CD200R1L: variants seen among roughly 807,000 people sequenced by gnomAD.
CD200R1L encodes cell surface glycoprotein CD200 receptor 2.
A neutral mutation model predicts 24.8 loss-of-function variants in CD200R1L; 14 were observed. That is an observed-to-expected ratio of 0.56 (90% CI 0.37 to 0.88). CD200R1L has a LOEUF of 0.88. Among genes scored for constraint, CD200R1L ranks in the 40% least tolerant of loss-of-function variants. The pLI is 0.00. For synonymous variants in CD200R1L, 111 were observed against 109.2 expected (o/e 1.02, Z -0.11); for missense variants, 299 against 297.8 (o/e 1.00, Z -0.03).
At chr3:112,830,273 G>A (rs930135927) in intron 3 of CD200R1L, among the ~76,000 whole-genome samples, 4 of 152,092 alleles carry the variant, frequency 2.6e-5, no homozygotes, top group African/African-American at 9.7e-5. Context: ...ATGGCCTAGG[G>A]GAATGAATGT....
At chr3:112,826,093 T>C (rs1442520581) in intron 6 of CD200R1L, among the ~76,000 whole-genome samples, 1 of 151,944 alleles carries the variant, frequency 6.6e-6, no homozygotes, top group African/African-American at 2.4e-5. Flanking sequence ...ATAAAGCTGA[T>C]GCAAAAAAGA....
chr3:112,825,769 A>G (rs1321801581), intron 6 of CD200R1L, among the ~76,000 whole-genome samples: 2 of 152,190 alleles, frequency 1.3e-5, no homozygotes, highest in African/African-American at 2.4e-5. Context: ...ACTAAACAAA[A>G]GAGAGAGGAG....
At chr3:112,840,439 TC>T (rs1939051269) in intron 2 of CD200R1L, among the ~76,000 whole-genome samples, 1 of 152,094 alleles carries the variant, frequency 6.6e-6, no homozygotes, top group South Asian at 2.1e-4. Flanking sequence ...AACAACCAGA[TC>T]TCATAACTTA....
intron 3 of CD200R1L, among the ~76,000 whole-genome samples, chr3:112,834,154 T>A (rs1938876140): frequency 6.6e-6 from 1 of 151,648 alleles, no homozygotes; most frequent in Non-Finnish European, 1.5e-5. Context: ...GGGTGCTGTG[T>A]CCCTAGCTCC....
chr3:112,835,806 G>T (rs958624192), intron 3 of CD200R1L, among the ~76,000 whole-genome samples: 1 of 152,250 alleles, frequency 6.6e-6, no homozygotes, highest in Admixed American at 6.5e-5. Flanking sequence ...GCTTCTGCCT[G>T]TTCCCAGCTC....
At chr3:112,829,530 A>T (rs1938745834) in intron 3 of CD200R1L, 146 bp from the exon 4 acceptor site, 1 of 1,300,882 alleles carries the variant, frequency 7.7e-7, no homozygotes, top group Admixed American at 2.7e-5. Flanking sequence ...AACAGAAATT[A>T]GAAGTTATGC....
chr3:112,828,876 T>C lies in CD200R1L; in HGVS notation c.49+443A>G, dbSNP rs145215312. ...TGTCAGAGATCTCATCACTATAGCA[T>C]AAGCAGAATCAGTTGCAGAGGGGCA... On this transcript the variant is annotated intron_variant, in intron 4 of 7. Coordinates refer to ENST00000488794, the MANE Select transcript of CD200R1L (RefSeq NM_001199215.3). Among the ~76,000 whole-genome samples, 4 of 152,314 alleles carry C rather than the reference T, an allele frequency of 2.6e-5. No individual in the cohort carries two copies. In the East Asian group the frequency reaches 7.7e-4, roughly 29 times the overall value.
intron 6 of CD200R1L, among the ~76,000 whole-genome samples, chr3:112,826,144 T>C (rs1441232855): frequency 7.5e-6 from 1 of 133,318 alleles, no homozygotes; most frequent in Non-Finnish European, 1.8e-5. Flanking sequence ...ATAATTAATA[T>C]GATTATATTT....
intron 2 of CD200R1L, among the ~76,000 whole-genome samples, chr3:112,845,182 C>G (rs75258071): frequency 0.063 from 9,522 of 152,056 alleles, 403 homozygotes; most frequent in East Asian, 0.18. Context: ...CAAATAACTA[C>G]AATCAGATAT....
At chr3:112,824,521 G>T (rs1938612774) in intron 6 of CD200R1L, among the ~76,000 whole-genome samples, 1 of 152,134 alleles carries the variant, frequency 6.6e-6, no homozygotes, top group African/African-American at 2.4e-5. Flanking sequence ...TATGGATGAG[G>T]TTACTCAAGT....
intron 7 of CD200R1L, among the ~76,000 whole-genome samples, chr3:112,817,089 G>T (rs916416729): frequency 6.6e-6 from 1 of 151,938 alleles, no homozygotes; most frequent in East Asian, 1.9e-4. Context: ...AATCTCTGCC[G>T]CAGTGTAGTA....
In CD200R1L at chr3:112,826,992, C is replaced by T; in HGVS notation, c.616+1G>A. On this transcript the variant is annotated splice_donor_variant, in intron 6 of 7. Coordinates refer to ENST00000488794, the MANE Select transcript of CD200R1L (RefSeq NM_001199215.3). LOFTEE classifies it high-confidence loss of function. ...CTCTTCTACAAGAAACAGGCGCTTA[C>T]CTGAATTCAACTTTACGGACAGACT... The T allele has an allele frequency of 6.3e-7, 1 of 1,595,580 alleles. No individual in the cohort carries two copies. The highest frequency in any genetic ancestry group is 8.5e-7 in the Non-Finnish European group (1 of 1,173,258).
chr3:112,823,247 T>C (rs1433138798), intron 6 of CD200R1L, among the ~76,000 whole-genome samples: 4 of 152,334 alleles, frequency 2.6e-5, no homozygotes, highest in Non-Finnish European at 4.4e-5. Flanking sequence ...TTAAATAAAC[T>C]CTTTTAAACT....
At chr3:112,826,858 G>A in intron 6 of CD200R1L, 135 bp downstream of exon 6, 2 of 982,916 alleles carry the variant, frequency 2.0e-6, no homozygotes, top group Non-Finnish European at 3.0e-6. Context: ...GCGTTGTAAT[G>A]CATTTCTCAG....
intron 2 of CD200R1L, among the ~76,000 whole-genome samples, chr3:112,839,880 TC>T (rs1254922973): frequency 6.6e-6 from 1 of 152,176 alleles, no homozygotes; most frequent in African/African-American, 2.4e-5. Flanking sequence ...AAAGACACTT[TC>T]TATTCTCCTC....
intron 6 of CD200R1L, among the ~76,000 whole-genome samples, chr3:112,825,192 T>C (rs1304477432): frequency 6.6e-6 from 1 of 150,776 alleles, no homozygotes; most frequent in East Asian, 1.9e-4. Flanking sequence ...TGAGCCGAGA[T>C]TGCACCACTG....
At chr3:112,844,110 C>G (rs1207229382) in intron 2 of CD200R1L, among the ~76,000 whole-genome samples, 1 of 152,204 alleles carries the variant, frequency 6.6e-6, no homozygotes, top group Non-Finnish European at 1.5e-5. Context: ...TTGGAGACTT[C>G]AACATCCCAC....
At chr3:112,819,314 G>A (rs1189546360) in intron 7 of CD200R1L, among the ~76,000 whole-genome samples, 1 of 152,108 alleles carries the variant, frequency 6.6e-6, no homozygotes, top group African/African-American at 2.4e-5. Context: ...GAACCCAAAG[G>A]CTTATTGCAA....
rs548391991 is a variant in CD200R1L, at chr3:112,832,102, C to G, written c.-17-2718G>C. On this transcript the variant is annotated intron_variant, in intron 3 of 7. Coordinates refer to ENST00000488794, the MANE Select transcript of CD200R1L (RefSeq NM_001199215.3). ...GAGAACTGTTGCAATAGTTATTCCC[C>G]TAGTCCTTCACCAAAGAACCTATGA... 3.3e-5 allele frequency among the ~76,000 whole-genome samples: 5 copies of G among 152,304 alleles called. No homozygotes were observed. The South Asian group carries it at 1.0e-3, about 32-fold the overall frequency.
Sources: gnomAD v4.1 joint callset for allele counts (sites outside exome capture counted in the v4.1 genomes callset) on GRCh38, gnomAD v4.1.1 for gene constraint, MANE v1.5 for transcripts, NCBI Gene and HGNC (gene_info 2026-07-23, HGNC 2026-07-21) for gene names.